The following FRMPD4 variants were observed in gnomAD, a reference collection of about 807,000 sequenced individuals.
FRMPD4 encodes the protein FERM and PDZ domain containing 4.
Under a neutral mutation model 94.1 loss-of-function variants are expected in FRMPD4, and 22 were observed. The ratio of observed to expected loss-of-function variants is 0.23; its 90% CI spans 0.17 to 0.33. FRMPD4 has a LOEUF of 0.33. Among genes scored for constraint, FRMPD4 ranks in the 10% least tolerant of loss-of-function variants. The probability of loss-of-function intolerance (pLI) is 1.00; values close to 1 mark genes in which losing one functional copy is unlikely to be tolerated. For missense variants in FRMPD4, 1,111 were observed against 1,339.9 expected (o/e 0.83, Z 2.67); for synonymous variants, 631 against 548.6 (o/e 1.15, Z -2.10).
At chrX:12,037,402 C>T (rs1431779641) in intron 3 of FRMPD4, among the ~76,000 whole-genome samples, 1 of 111,258 alleles carries the variant, frequency 9.0e-6, no homozygotes, top group Admixed American at 9.5e-5. Flanking sequence ...CTCCTTTATA[C>T]TTATCTTTAC....
At chrX:12,426,886 G>GTT (rs11381836) in intron 1 of FRMPD4, among the ~76,000 whole-genome samples, 2,787 of 103,512 alleles carry the variant, frequency 0.027, 82 homozygotes, top group African/African-American at 0.088. Context: ...GTTTTTTTTT[G>GTT]TTTTTTTTTA....
At chrX:12,205,870 A>G (rs930516529) in intron 1 of FRMPD4, among the ~76,000 whole-genome samples, 5 of 112,427 alleles carry the variant, frequency 4.4e-5, no homozygotes, top group Middle Eastern at 4.2e-3. Context: ...GGCTAATTAT[A>G]GATTCAAAGA....
At chrX:12,440,705 G>C (rs182436463) in intron 1 of FRMPD4, among the ~76,000 whole-genome samples, 53 of 110,862 alleles carry the variant, frequency 4.8e-4, no homozygotes, top group Middle Eastern at 4.6e-3. Flanking sequence ...GACTTGGGAG[G>C]GGGGGGAGCA....
At chrX:12,478,254 G>A (rs772119728) in intron 1 of FRMPD4, among the ~76,000 whole-genome samples, 1 of 111,825 alleles carries the variant, frequency 8.9e-6, no homozygotes, top group East Asian at 2.8e-4. Context: ...CCAAGGACAG[G>A]AACTGACAGG....
chrX:12,384,278 G>A (rs1000456596), intron 1 of FRMPD4, among the ~76,000 whole-genome samples: 4 of 112,075 alleles, frequency 3.6e-5, no homozygotes, highest in East Asian at 2.8e-4. Flanking sequence ...CACTCTGGGC[G>A]GCCAAGGTGG....
intron 7 of FRMPD4, among the ~76,000 whole-genome samples, chrX:12,689,725 A>C (rs923430483): frequency 1.8e-5 from 2 of 112,803 alleles, no homozygotes; most frequent in African/African-American, 3.2e-5. Context: ...AATGGGTATG[A>C]CCACGTCCCA....
At chrX:12,005,708 G>C (rs2054548982) in intron 3 of FRMPD4, among the ~76,000 whole-genome samples, 1 of 112,560 alleles carries the variant, frequency 8.9e-6, no homozygotes, top group South Asian at 3.8e-4. Flanking sequence ...GATGTGAAAT[G>C]ATGGCTTCAG....
At chrX:12,323,150 C>G (rs2055235641) in intron 1 of FRMPD4, among the ~76,000 whole-genome samples, 2 of 111,661 alleles carry the variant, frequency 1.8e-5, no homozygotes, top group Admixed American at 1.9e-4. Context: ...GGAATACCAC[C>G]TAGAATTGGA....
chrX:12,076,358 A>G lies in FRMPD4; in HGVS notation c.95+198340A>G, dbSNP rs201687348. On this transcript the variant is annotated intron_variant, in intron 3 of 18. Transcript: ENST00000640291. ...TGTGTGTGTGTGTGTGTGTGTGTGT[A>G]TGTGTGTGTGTGTGTGGAGAGAGAG... is the stretch of plus-strand genomic sequence containing the variant. Among the ~76,000 whole-genome samples the G allele has an allele frequency of 5.8e-3, 480 of 83,379 alleles. 3 individuals carry two copies. Among genetic ancestry groups the G allele is most frequent in the African/African-American group, 0.023 (431 of 19,096 alleles). 72.4% of individuals were successfully genotyped at this position (83,379 alleles called of 115,157 possible). A position where few individuals can be genotyped will look rare whatever the true frequency, so the allele number is the denominator to read the frequency against.
At chrX:12,366,146 G>A (rs138002917) in intron 1 of FRMPD4, among the ~76,000 whole-genome samples, 110 of 112,396 alleles carry the variant, frequency 9.8e-4, no homozygotes, top group African/African-American at 3.4e-3. Context: ...CTTCAGCTGG[G>A]TCTGTCTGCA....
chrX:12,140,249 G>T (rs1295240643), intron 1 of FRMPD4, among the ~76,000 whole-genome samples: 1 of 112,115 alleles, frequency 8.9e-6, no homozygotes, highest in Non-Finnish European at 1.9e-5. Flanking sequence ...AAGGCCCAGT[G>T]CAGCTTACTC....
chrX:12,361,559 C>T (rs1166476668), intron 1 of FRMPD4, among the ~76,000 whole-genome samples: 1 of 112,330 alleles, frequency 8.9e-6, no homozygotes, highest in Non-Finnish European at 1.9e-5. Context: ...TTTCTGCTCA[C>T]AGGGAAAAAG....
intron 2 of FRMPD4, among the ~76,000 whole-genome samples, chrX:12,529,115 C>G (rs369629245): frequency 3.6e-5 from 4 of 112,536 alleles, no homozygotes; most frequent in East Asian, 2.8e-4. Flanking sequence ...AAAGGGCTGA[C>G]TAGGACTTGG....
intron 2 of FRMPD4, among the ~76,000 whole-genome samples, chrX:12,538,550 A>G (rs1180969856): frequency 1.8e-5 from 2 of 111,960 alleles, no homozygotes; most frequent in Non-Finnish European, 3.8e-5. Flanking sequence ...CTGTCCCCCA[A>G]GTAGCCTAAC....
At chrX:11,880,628 T>C (rs919063407) in intron 3 of FRMPD4, among the ~76,000 whole-genome samples, 15 of 111,131 alleles carry the variant, frequency 1.3e-4, no homozygotes, top group African/African-American at 4.9e-4. Flanking sequence ...ATAGTGAAAA[T>C]TGAATTCACT....
intron 2 of FRMPD4, among the ~76,000 whole-genome samples, chrX:12,499,940 C>T (rs1206485070): frequency 1.8e-5 from 2 of 111,994 alleles, no homozygotes; most frequent in Non-Finnish European, 3.8e-5. Context: ...AAATTAAAGG[C>T]TGTGTTTAAC....
At chrX:11,970,255 A>G (rs1741979684) in intron 3 of FRMPD4, among the ~76,000 whole-genome samples, 1 of 112,226 alleles carries the variant, frequency 8.9e-6, no homozygotes, top group Non-Finnish European at 1.9e-5. Context: ...AGCTTTTGGT[A>G]GTACATTTGT....
chrX:12,567,426 C>T (rs1441585648), intron 2 of FRMPD4, among the ~76,000 whole-genome samples: 1 of 112,477 alleles, frequency 8.9e-6, no homozygotes, highest in African/African-American at 3.2e-5. Flanking sequence ...TTCATGCATA[C>T]ATGCATTTAT....
chrX:12,707,728 C>T lies in FRMPD4; in HGVS notation c.1470+77C>T. On this transcript the variant is annotated intron_variant, in intron 13 of 16. Coordinates refer to ENST00000675598, the MANE Select transcript of FRMPD4 (RefSeq NM_001368397.1). ...GATAACACTGCAGATGTTTACAAGG[C>T]AGGCAAAAGTCAATGTGTGCAGAGC... 2.4e-6 allele frequency: 2 copies of T among 818,430 alleles called. No individual in the cohort carries two copies. The highest frequency in any genetic ancestry group is 3.6e-6 in the Non-Finnish European group (2 of 562,793). 67.4% of individuals were successfully genotyped at this position (818,430 alleles called of 1,213,427 possible).
Sources: gnomAD v4.1 joint callset for allele counts (sites outside exome capture counted in the v4.1 genomes callset) on GRCh38, gnomAD v4.1.1 for gene constraint, MANE v1.5 for transcripts, NCBI Gene and HGNC (gene_info 2026-07-23, HGNC 2026-07-21) for gene names.